The following RSRP1 variants were observed in gnomAD, a reference collection of about 807,000 sequenced individuals.
The protein encoded by RSRP1 is arginine and serine rich protein 1.
In RSRP1, 37 loss-of-function variants were observed where a neutral mutation model predicts 33.0. That is an observed-to-expected ratio of 1.12 (90% CI 0.86 to 1.48). The LOEUF is 1.48. Ranked by LOEUF, RSRP1 falls within the 40% of genes most tolerant of loss-of-function variation. The pLI is 0.00. For synonymous variants in RSRP1, 167 were observed against 158.7 expected (o/e 1.05, Z -0.40); for missense variants, 402 against 385.3 (o/e 1.04, Z -0.36).
intron 1 of RSRP1, chr1:25,284,491 A>G (rs1641782378): frequency 2.2e-5 from 27 of 1,239,146 alleles, no homozygotes; most frequent in Middle Eastern, 1.9e-4. Flanking sequence ...TCCAGCTGCC[A>G]TTTAGTAAGA....
upstream of RSRP1, among the ~76,000 whole-genome samples, chr1:25,251,778 C>T (rs1224851996): frequency 6.6e-6 from 1 of 152,164 alleles, no homozygotes; most frequent in Non-Finnish European, 1.5e-5. Flanking sequence ...ATAGAATCCT[C>T]TAAAAGAGGT....
intron 2 of RSRP1, 55 bp downstream of exon 2, chr1:25,246,389 C>T: frequency 6.3e-7 from 1 of 1,583,800 alleles, no homozygotes; most frequent in East Asian, 2.3e-5. Flanking sequence ...CCCTAGCCTA[C>T]TCATATACTG....
chr1:25,301,666 C>G, intron 1 of RSRP1: 1 of 1,379,832 alleles, frequency 7.2e-7, no homozygotes, highest in East Asian at 2.2e-5. Flanking sequence ...CTTGGCTCAC[C>G]CCCAAGGGAA....
intron 1 of RSRP1, among the ~76,000 whole-genome samples, chr1:25,258,837 A>G (rs930477785): frequency 6.6e-6 from 1 of 152,214 alleles, no homozygotes; most frequent in African/African-American, 2.4e-5. Context: ...GTTTGGCATC[A>G]TAGGAGATTT....
At position 25,305,521 on chromosome 1, in the gene RSRP1, T is replaced by C. The variant is rs1439380383; in HGVS notation, c.-67+32457A>G. Among the ~76,000 whole-genome samples the C allele has an allele frequency of 7.7e-5, 10 of 129,360 alleles. 1 individual carries two copies. The East Asian group carries it at 2.0e-3, about 25-fold the overall frequency. The allele number at this position is 129,360 out of a possible 152,430, so 84.9% of individuals were successfully genotyped here. ...AAGTGATTCTCCTACCTCAGCCTCC[T>C]GAGTAGCTGGGATTACAGGTGCCCA... On this transcript the variant is annotated intron_variant, in intron 1 of 1. Transcript: ENST00000561867.
rs1021278020 is a variant in RSRP1, at chr1:25,245,406, A to G, written c.521-105T>C. The G allele has an allele frequency of 1.2e-5, 17 of 1,376,542 alleles. No individual in the cohort carries two copies. In the African/African-American group the frequency reaches 1.9e-4, roughly 15 times the overall value. The allele number at this position is 1,376,542 out of a possible 1,614,324, so 85.3% of individuals were successfully genotyped here. On this transcript the variant is annotated intron_variant, in intron 2 of 4. Coordinates refer to ENST00000243189, the MANE Select transcript of RSRP1 (RefSeq NM_020317.5). The stretch of plus-strand genomic sequence containing the variant: ...AATATGTTATTTTGTGGTATTAAAT[A>G]TATTAAGTCACTTGTTTTATAATAG...
At chr1:25,296,214 T>A (rs2124659310) in intron 1 of RSRP1, among the ~76,000 whole-genome samples, 1 of 124,348 alleles carries the variant, frequency 8.0e-6, no homozygotes, top group East Asian at 2.0e-4. Context: ...GTATGTGACT[T>A]TAACCCCTAA....
At chr1:25,332,259 A>T (rs1645028949) in intron 1 of RSRP1, among the ~76,000 whole-genome samples, 1 of 127,986 alleles carries the variant, frequency 7.8e-6, no homozygotes. Flanking sequence ...ATGGTCCCGA[A>T]CTCCTGACCT....
rs1481228147 is a variant in RSRP1 at position 25,333,280 on chromosome 1, C to G, written c.-67+4698G>C. Among the ~76,000 whole-genome samples, 3 of 131,208 alleles carry G rather than the reference C, an allele frequency of 2.3e-5. 1 individual carries two copies. Among genetic ancestry groups the G allele is most frequent in the East Asian group, 1.9e-4 (1 of 5,142 alleles). The allele number at this position is 131,208 out of a possible 152,430, so 86.1% of individuals were successfully genotyped here. A position where few individuals can be genotyped will look rare whatever the true frequency, so the allele number is the denominator to read the frequency against. ...ATGCCTTTCCAGTTCTCTAGGTATTCTTTAATCCAGTCAAGCTGACACCTA... is the reference window on the plus strand; with the variant it reads ...ATGCCTTTCCAGTTCTCTAGGTATTGTTTAATCCAGTCAAGCTGACACCTA... On this transcript the variant is annotated intron_variant, in intron 1 of 1. Transcript: ENST00000561867.
chr1:25,312,986 T>TAAG (rs1204318460), intron 1 of RSRP1, among the ~76,000 whole-genome samples: 2 of 102,262 alleles, frequency 2.0e-5, no homozygotes, highest in African/African-American at 6.7e-5. Flanking sequence ...ATTTTGCATG[T>TAAG]AAGAAGGACA....
chr1:25,315,873 T>C (rs2124090603), intron 1 of RSRP1, among the ~76,000 whole-genome samples: 1 of 131,556 alleles, frequency 7.6e-6, no homozygotes, highest in South Asian at 2.3e-4. Flanking sequence ...GTAGGGACTG[T>C]CATTATTTCT....
intron 1 of RSRP1, among the ~76,000 whole-genome samples, chr1:25,300,160 T>A (rs1643275205): frequency 7.6e-6 from 1 of 131,426 alleles, no homozygotes; most frequent in Admixed American, 7.4e-5. Flanking sequence ...GAAGTAGGAA[T>A]CAGTGAGGTG....
chr1:25,251,196 A>G (rs1331588576), upstream of RSRP1, among the ~76,000 whole-genome samples: 2 of 152,062 alleles, frequency 1.3e-5, no homozygotes, highest in African/African-American at 4.8e-5. Flanking sequence ...ATCTTCCCCT[A>G]GAGCCTCCAA....
Position 25,329,641 on chromosome 1 carries a change from A to G in RSRP1, c.-67+8337T>C, listed in dbSNP as rs547158325. ...AGAAACTTAATTAGATTATACCACTAGAGTCTTCAGATTTTTATACTTTTT... is the reference window on the plus strand; with the variant it reads ...AGAAACTTAATTAGATTATACCACTGGAGTCTTCAGATTTTTATACTTTTT... On this transcript the variant is annotated intron_variant, in intron 1 of 1. Transcript: ENST00000561867. 300 of 130,478 alleles carry G rather than the reference A, an allele frequency of 2.3e-3. 58 individuals carry two copies. In the South Asian group the frequency reaches 0.058, roughly 25 times the overall value. The allele number at this position is 130,478 out of a possible 1,614,324, so 8.1% of individuals were successfully genotyped here.
chr1:25,306,652 C>T lies in RSRP1; in HGVS notation c.-67+31326G>A. 3 of 1,378,546 alleles carry T rather than the reference C, an allele frequency of 2.2e-6. 1 individual carries two copies. The highest frequency in any genetic ancestry group is 1.0e-6 in the Non-Finnish European group (1 of 978,974). 85.4% of individuals were successfully genotyped at this position (1,378,546 alleles called of 1,614,324 possible). ...ACAGCTCCATCATGGGCTACAACTT[C>T]AGCTTGCTGGGTCTGCTTGGAGAGA... On this transcript the variant is annotated intron_variant, in intron 1 of 1. Transcript: ENST00000561867.
rs1039837263 is a variant in RSRP1 at position 25,267,870 on chromosome 1, A to G, written c.-66-20841T>C. 6 of 131,590 alleles carry G rather than the reference A, an allele frequency of 4.6e-5. 2 individuals carry two copies. The highest frequency in any genetic ancestry group is 5.4e-5 in the Non-Finnish European group (3 of 55,414). The allele number at this position is 131,590 out of a possible 1,614,324, so 8.2% of individuals were successfully genotyped here. A position where few individuals can be genotyped will look rare whatever the true frequency, so the allele number is the denominator to read the frequency against. On this transcript the variant is annotated intron_variant, in intron 1 of 1. Transcript: ENST00000561867. ...ACTCCCGACGTCCAGCTGTGAACCC[A>G]GAGCGGCGGAAAGCCCCTGAACCCA...
rs1350632723 is a variant in RSRP1, at chr1:25,319,864, T to C, written c.-67+18114A>G. Among the ~76,000 whole-genome samples, 11 of 131,888 alleles carry C rather than the reference T, an allele frequency of 8.3e-5. 3 individuals carry two copies. The highest frequency in any genetic ancestry group is 1.6e-4 in the Non-Finnish European group (9 of 55,706). 86.5% of individuals were successfully genotyped at this position (131,888 alleles called of 152,430 possible). Reference sequence around the variant, plus strand: ...AAAGTACACCAGCAGAAGTTAGAAGTGAAAGCAAAGAGCCTAACAGAGGAA... The same window carrying C: ...AAAGTACACCAGCAGAAGTTAGAAGCGAAAGCAAAGAGCCTAACAGAGGAA... On this transcript the variant is annotated intron_variant, in intron 1 of 1. Transcript: ENST00000561867.
intron 1 of RSRP1, among the ~76,000 whole-genome samples, chr1:25,257,310 TATAA>T: frequency 6.6e-6 from 1 of 152,304 alleles, no homozygotes; most frequent in East Asian, 1.9e-4. Context: ...CCTCCCAGAA[TATAA>T]ATTACATAAG....
At position 25,322,033 on chromosome 1, in the gene RSRP1, G is replaced by A; in HGVS notation, c.-67+15945C>T. 3.6e-6 allele frequency: 3 copies of A among 823,012 alleles called. No individual in the cohort carries two copies. In the South Asian group the frequency reaches 4.1e-5, roughly 11 times the overall value. 51.0% of individuals were successfully genotyped at this position (823,012 alleles called of 1,614,324 possible). A position where few individuals can be genotyped will look rare whatever the true frequency, so the allele number is the denominator to read the frequency against. ...CTTAAAAACATACCTGAGTATATAT[G>A]TTGACTTGCTGTTTATGAGTAAAAC... On this transcript the variant is annotated intron_variant, in intron 1 of 1. Transcript: ENST00000561867.
Sources: allele counts gnomAD v4.1 joint callset (sites outside exome capture counted in the v4.1 genomes callset), GRCh38; gene constraint gnomAD v4.1.1; transcripts MANE v1.5; gene names NCBI Gene and HGNC (gene_info 2026-07-23, HGNC 2026-07-21).